ACSL5: variants seen among roughly 807,000 people sequenced by gnomAD.
ACSL5 encodes long-chain-fatty-acid--CoA ligase 5.
In ACSL5, 50 loss-of-function variants were observed where a neutral mutation model predicts 84.9. The observed-to-expected ratio is 0.59, with a 90% CI of 0.47 to 0.75. The LOEUF (loss-of-function observed/expected upper bound fraction) is 0.75, where lower values mean the gene tolerates loss of function less well. Among genes scored for constraint, ACSL5 ranks in the 30% least tolerant of loss-of-function variants. The pLI is 0.00. For missense variants in ACSL5, 775 were observed against 830.4 expected (o/e 0.93, Z 0.82); for synonymous variants, 280 against 300.7 (o/e 0.93, Z 0.71).
chr10:112,421,633 G>A lies in ACSL5; in HGVS notation c.1355G>A (p.Cys452Tyr), dbSNP rs759938020. 1 of 1,614,142 alleles carries A rather than the reference G, an allele frequency of 6.2e-7. No individual in the cohort carries two copies. The highest frequency in any genetic ancestry group is 8.5e-7 in the Non-Finnish European group (1 of 1,179,980). ...AYGQTECTGG[C>Y]TFTLPGDWTS... ...GGTCAAACAGAATGCACAGGTGGCT[G>A]TACATTTACATTACCTGGGGACTGG... Residue 452 changes from cysteine to tyrosine, a missense_variant, in exon 15 of 21, where the codon TGT becomes TAT. Transcript: ENST00000354655.
At chr10:112,375,545 A>G (rs1262527582) in intron 1 of ACSL5, 1 of 152,314 alleles carries the variant, frequency 6.6e-6, no homozygotes, top group African/African-American at 2.4e-5. Flanking sequence ...ATTCTGAGGT[A>G]TCTGTGAGGT....
intron 1 of ACSL5, among the ~76,000 whole-genome samples, chr10:112,389,740 T>G (rs554760575): frequency 6.6e-6 from 1 of 152,330 alleles, no homozygotes; most frequent in South Asian, 2.1e-4. Context: ...TACTTGGAAG[T>G]GTTAACAGAT....
chr10:112,387,277 G>A (rs1849472392), intron 1 of ACSL5, among the ~76,000 whole-genome samples: 1 of 152,328 alleles, frequency 6.6e-6, no homozygotes, highest in African/African-American at 2.4e-5. Flanking sequence ...TTTAAGAAAT[G>A]ATTTTTTAAA....
chr10:112,393,551 C>A (rs1277656205), intron 1 of ACSL5, among the ~76,000 whole-genome samples: 1 of 152,204 alleles, frequency 6.6e-6, no homozygotes, highest in African/African-American at 2.4e-5. Context: ...TGGCAGCTGT[C>A]CAAAGCTCTA....
intron 1 of ACSL5, 29 bp from the exon 2 acceptor site, chr10:112,394,889 A>T: frequency 6.2e-7 from 1 of 1,606,704 alleles, no homozygotes; most frequent in Non-Finnish European, 8.5e-7. Context: ...ATTTCCTCTA[A>T]ATTTTCTTTC....
Position 112,387,936 on chromosome 10 carries a change from C to CTTTTTT in ACSL5, c.-29-6968_-29-6963dup, listed in dbSNP as rs35032191. 5.2e-4 allele frequency among the ~76,000 whole-genome samples: 61 copies of CTTTTTT among 118,440 alleles called. 1 individual carries two copies. Among genetic ancestry groups the CTTTTTT allele is most frequent in the Non-Finnish European group, 9.7e-4 (58 of 59,824 alleles). The allele number at this position is 118,440 out of a possible 152,430, so 77.7% of individuals were successfully genotyped here. On this transcript the variant is annotated intron_variant, in intron 1 of 20. Coordinates refer to ENST00000354655, the MANE Select transcript of ACSL5 (RefSeq NM_203379.2). Reference sequence around the variant, plus strand: ...AGGTAACAGAATGATTTATTTGTTCCTTTTTTTTTTTTTTTTTTTGGAGAC... The same window carrying CTTTTTT: ...AGGTAACAGAATGATTTATTTGTTCCTTTTTTTTTTTTTTTTTTTTTTTTTGGAGAC...
At chr10:112,404,614 C>T (rs764369673) in intron 4 of ACSL5, 39 bp downstream of exon 4, 5 of 1,600,372 alleles carry the variant, frequency 3.1e-6, no homozygotes, top group East Asian at 2.2e-5. Context: ...TTCTTTCTAA[C>T]ATAGTATTCT....
intron 6 of ACSL5, 59 bp downstream of exon 6, chr10:112,408,580 A>G (rs529096695): frequency 2.5e-6 from 3 of 1,201,858 alleles, no homozygotes; most frequent in African/African-American, 3.0e-5. Flanking sequence ...TATTTCTTCA[A>G]TTTCTGCTTT....
intron 11 of ACSL5, chr10:112,412,200 G>T (rs1844194145): frequency 3.8e-6 from 2 of 525,186 alleles, no homozygotes; most frequent in Non-Finnish European, 6.8e-6. Context: ...GATAGTACTT[G>T]CTCCTGCCTT....
At chr10:112,416,076 C>G (rs1023494323) in intron 12 of ACSL5, among the ~76,000 whole-genome samples, 18 of 152,024 alleles carry the variant, frequency 1.2e-4, no homozygotes, top group Non-Finnish European at 4.4e-5. Context: ...TATGGTGTGG[C>G]TAAAGACACC....
Position 112,382,552 on chromosome 10 carries a change from C to T in ACSL5, c.-30+8283C>T, listed in dbSNP as rs143463807. Reference sequence around the variant, plus strand: ...AGGAAGCCTCACTGGGACCCAAACCCGAGGAAAGGGCTTATTCTGCTCCAC... The same window carrying T: ...AGGAAGCCTCACTGGGACCCAAACCTGAGGAAAGGGCTTATTCTGCTCCAC... On this transcript the variant is annotated intron_variant, in intron 1 of 20. Transcript: ENST00000354655. 3.9e-5 allele frequency among the ~76,000 whole-genome samples: 6 copies of T among 152,286 alleles called. No homozygotes were observed. The East Asian group carries it at 1.2e-3, about 29-fold the overall frequency.
chr10:112,421,417 TC>T (rs1251001265), intron 14 of ACSL5, among the ~76,000 whole-genome samples, 175 bp from the exon 15 acceptor site: 1 of 152,188 alleles, frequency 6.6e-6, no homozygotes, highest in Non-Finnish European at 1.5e-5. Flanking sequence ...CGCCTCGGCC[TC>T]CCAAAGTGCT....
intron 12 of ACSL5, among the ~76,000 whole-genome samples, chr10:112,416,473 A>AC (rs987284061): frequency 6.7e-6 from 1 of 148,242 alleles, no homozygotes; most frequent in African/African-American, 2.5e-5. Context: ...TCTGTCTCAA[A>AC]AAAAAAAAAA....
chr10:112,421,451 GC>G, intron 14 of ACSL5, 141 bp from the exon 15 acceptor site: 1 of 685,444 alleles, frequency 1.5e-6, no homozygotes, highest in Non-Finnish European at 2.6e-6. Context: ...ATGAGCCACC[GC>G]CCCCTCCAAG....
intron 2 of ACSL5, among the ~76,000 whole-genome samples, chr10:112,395,316 T>C (rs933102613): frequency 6.6e-6 from 1 of 152,240 alleles, no homozygotes; most frequent in Non-Finnish European, 1.5e-5. Context: ...GTAATCTAGA[T>C]TGGAGTTGGC....
intron 17 of ACSL5, 65 bp downstream of exon 17, chr10:112,422,506 A>AG: frequency 1.2e-5 from 18 of 1,467,956 alleles, no homozygotes; most frequent in Non-Finnish European, 1.7e-5. Flanking sequence ...ATCTGCTTAT[A>AG]GCAAGAGGTG....
intron 1 of ACSL5, among the ~76,000 whole-genome samples, chr10:112,379,047 G>T (rs1849297808): frequency 6.6e-6 from 1 of 152,140 alleles, no homozygotes; most frequent in African/African-American, 2.4e-5. Flanking sequence ...GAGGTCTGGG[G>T]TAAAGCTAGG....
chr10:112,385,733 G>A (rs1025581285), intron 1 of ACSL5, among the ~76,000 whole-genome samples: 1 of 152,018 alleles, frequency 6.6e-6, no homozygotes, highest in Non-Finnish European at 1.5e-5. Context: ...TATCTGAGGG[G>A]GTTGATACTT....
At chr10:112,409,981 G>C (rs987943771) in intron 7 of ACSL5, 1 of 191,760 alleles carries the variant, frequency 5.2e-6, no homozygotes, top group African/African-American at 2.4e-5. Context: ...GCTTGGGTTC[G>C]CATGCCAGCT....
Sources: allele counts gnomAD v4.1 joint callset (sites outside exome capture counted in the v4.1 genomes callset), GRCh38; gene constraint gnomAD v4.1.1; transcripts MANE v1.5; gene names NCBI Gene and HGNC (gene_info 2026-07-23, HGNC 2026-07-21).